STOX2: variants seen among roughly 807,000 people sequenced by gnomAD.
The protein encoded by STOX2 is storkhead-box protein 2.
A neutral mutation model predicts 60.9 loss-of-function variants in STOX2; 28 were observed. The observed-to-expected ratio is 0.46, with a 90% CI of 0.34 to 0.63. The LOEUF (loss-of-function observed/expected upper bound fraction) is 0.63. Ranked by LOEUF, STOX2 falls within the 30% of genes least tolerant of loss-of-function variation. STOX2 has a pLI of 0.01. For synonymous variants in STOX2, 472 were observed against 463.9 expected (o/e 1.02, Z -0.22); for missense variants, 1,024 against 1,187.7 (o/e 0.86, Z 2.03).
At chr4:183,861,288 A>AGTG (rs1455348218) in intron 1 of STOX2, among the ~76,000 whole-genome samples, 2 of 120,836 alleles carry the variant, frequency 1.7e-5, no homozygotes, top group African/African-American at 3.0e-5. Context: ...CCCAGGTGGG[A>AGTG]GTGGACTGTC....
rs905551055 is a variant in STOX2, at chr4:183,835,037, A to G, written c.364+36982A>G. Reference sequence around the variant, plus strand: ...TGCAATACAGTGTCGTGGAGAGGAAACATAGTGTCTTGAAGGAGAGCATAG... The same window carrying G: ...TGCAATACAGTGTCGTGGAGAGGAAGCATAGTGTCTTGAAGGAGAGCATAG... On this transcript the variant is annotated intron_variant, in intron 1 of 2. Coordinates refer to the STOX2 transcript ENST00000513034. 6.6e-5 allele frequency among the ~76,000 whole-genome samples: 10 copies of G among 152,104 alleles called. 1 individual carries two copies. The highest frequency in any genetic ancestry group is 2.2e-4 in the African/African-American group (9 of 41,418).
chr4:183,938,766 C>T (rs917600621), intron 1 of STOX2, among the ~76,000 whole-genome samples: 1 of 151,726 alleles, frequency 6.6e-6, no homozygotes, highest in Non-Finnish European at 1.5e-5. Context: ...TTTCAAAGCT[C>T]ACCATTACCT....
At chr4:183,843,311 C>T (rs914956351) in intron 1 of STOX2, among the ~76,000 whole-genome samples, 1 of 152,060 alleles carries the variant, frequency 6.6e-6, no homozygotes, top group Admixed American at 6.6e-5. Context: ...GAGACGTCAC[C>T]CTGACCCGTA....
chr4:183,913,694 C>T (rs1289092877), intron 1 of STOX2, among the ~76,000 whole-genome samples: 1 of 151,968 alleles, frequency 6.6e-6, no homozygotes. Context: ...TCTCTTGAAC[C>T]CTGGAGGTGG....
At position 183,843,497 on chromosome 4, in the gene STOX2, C is replaced by T. The variant is rs146752204; in HGVS notation, c.364+45442C>T. Among the ~76,000 whole-genome samples, 121 of 152,268 alleles carry T rather than the reference C, an allele frequency of 7.9e-4. 2 individuals carry two copies. The East Asian group carries it at 0.017, about 21-fold the overall frequency. On this transcript the variant is annotated intron_variant, in intron 1 of 2. Coordinates refer to the STOX2 transcript ENST00000513034. ...AGATCAGGAGTTGGCAAACTTTTTC[C>T]ACAGAGGGCTAGATAGTGTATGCTT... is the stretch of plus-strand genomic sequence containing the variant.
rs559501008 is a variant in STOX2, at chr4:183,822,199, G to A, written c.364+24144G>A. Among the ~76,000 whole-genome samples, 16 of 152,356 alleles carry A rather than the reference G, an allele frequency of 1.1e-4. 1 individual carries two copies. Among genetic ancestry groups the A allele is most frequent in the Admixed American group, 8.5e-4 (13 of 15,304 alleles). ...GAGAGGACAGATCCCATCCATGCTG[G>A]AGAGTGAGCTTTTAAAAAGCTACTG... On this transcript the variant is annotated intron_variant, in intron 1 of 2. Transcript: ENST00000513034.
At chr4:183,913,438 G>A (rs920160724) in intron 1 of STOX2, among the ~76,000 whole-genome samples, 1 of 152,002 alleles carries the variant, frequency 6.6e-6, no homozygotes, top group East Asian at 1.9e-4. Flanking sequence ...GGTGTGTGGG[G>A]GTTGATGTGG....
intron 1 of STOX2, among the ~76,000 whole-genome samples, chr4:183,990,979 A>G (rs1246963703): frequency 6.6e-6 from 1 of 152,194 alleles, no homozygotes; most frequent in Non-Finnish European, 1.5e-5. Context: ...TTCGGATCAT[A>G]TCAGAAATTA....
At chr4:183,992,384 A>T (rs1733150338) in intron 1 of STOX2, among the ~76,000 whole-genome samples, 1 of 152,242 alleles carries the variant, frequency 6.6e-6, no homozygotes, top group South Asian at 2.1e-4. Flanking sequence ...GGGAAAGTGA[A>T]TGTGTGACCT....
intron 1 of STOX2, among the ~76,000 whole-genome samples, chr4:183,917,152 T>G (rs1741955288): frequency 6.6e-6 from 1 of 152,242 alleles, no homozygotes; most frequent in Non-Finnish European, 1.5e-5. Context: ...ACACATGGTC[T>G]TGCTGGCATT....
chr4:183,889,872 C>A (rs991653011), intron 1 of STOX2, among the ~76,000 whole-genome samples: 4 of 152,032 alleles, frequency 2.6e-5, no homozygotes, highest in African/African-American at 9.7e-5. Flanking sequence ...GTTTTTTCTT[C>A]TTTTGATGAA....
chr4:183,811,103 C>T (rs578014269), intron 1 of STOX2, among the ~76,000 whole-genome samples: 3 of 152,116 alleles, frequency 2.0e-5, no homozygotes, highest in African/African-American at 4.8e-5. Flanking sequence ...GATGGGCCTA[C>T]GAGAAGGTTC....
chr4:183,836,379 G>A lies in STOX2; in HGVS notation c.364+38324G>A, dbSNP rs78674341. 0.012 allele frequency among the ~76,000 whole-genome samples: 1,883 copies of A among 152,278 alleles called. 39 individuals carry two copies. The highest frequency in any genetic ancestry group is 0.064 in the Admixed American group (983 of 15,292). ...GGACCACTAAAAATAAACATAAGGA[G>A]TGTCACTACGTTAGCAGCATAGGCT... On this transcript the variant is annotated intron_variant, in intron 1 of 2. Transcript: ENST00000513034. This position sits in a 1 kb window ranked among gnomAD's most constrained non-coding sequence, Gnocchi z 4.1.
chr4:183,874,952 A>AAATATATATATATATAT (rs1740788891), intron 1 of STOX2, among the ~76,000 whole-genome samples: 1 of 44,614 alleles, frequency 2.2e-5, no homozygotes, highest in African/African-American at 9.1e-5. Flanking sequence ...AAAAAAAAAA[A>AAATATATATATATATAT]ATATATATAT....
At chr4:183,877,586 A>C (rs182187703) in intron 1 of STOX2, among the ~76,000 whole-genome samples, 1 of 152,344 alleles carries the variant, frequency 6.6e-6, no homozygotes. Flanking sequence ...AGTGGGACGC[A>C]TGGAAGCTTT....
chr4:183,942,526 A>T (rs924192215), intron 1 of STOX2, among the ~76,000 whole-genome samples: 1 of 152,040 alleles, frequency 6.6e-6, no homozygotes, highest in Admixed American at 6.6e-5. Flanking sequence ...CATAATCTGT[A>T]TACAAAAACC....
intron 1 of STOX2, among the ~76,000 whole-genome samples, chr4:183,944,399 A>G (rs139029315): frequency 5.8e-4 from 88 of 152,300 alleles, no homozygotes; most frequent in African/African-American, 2.1e-3. Flanking sequence ...CTCATCAGAT[A>G]TTTACTGAGC....
At chr4:183,804,822 C>G (rs977014104) in intron 1 of STOX2, among the ~76,000 whole-genome samples, 1 of 151,086 alleles carries the variant, frequency 6.6e-6, no homozygotes, top group Non-Finnish European at 1.5e-5. Context: ...TCTGAGATTC[C>G]AGGTCTTGCT....
At chr4:183,914,666 C>CT (rs1433568708) in intron 1 of STOX2, among the ~76,000 whole-genome samples, 1 of 152,078 alleles carries the variant, frequency 6.6e-6, no homozygotes, top group African/African-American at 2.4e-5. Flanking sequence ...AATAGCTTGG[C>CT]TTTCTGTGCT....
Sources: allele counts gnomAD v4.1 joint callset (sites outside exome capture counted in the v4.1 genomes callset), GRCh38; gene constraint gnomAD v4.1.1; non-coding constraint Gnocchi (gnomAD v3.1); transcripts MANE v1.5; gene names NCBI Gene and HGNC (gene_info 2026-07-23, HGNC 2026-07-21).